SYN1: variants seen among roughly 807,000 people sequenced by gnomAD.
The protein encoded by SYN1 is synapsin-1.
SYN1 carries 8 observed loss-of-function variants against 44.6 expected under a neutral mutation model. That is an observed-to-expected ratio of 0.18 (90% CI 0.11 to 0.32). The LOEUF is 0.32. Among genes scored for constraint, SYN1 ranks in the 10% least tolerant of loss-of-function variants. The probability of loss-of-function intolerance (pLI) is 1.00; values close to 1 mark genes in which losing one functional copy is unlikely to be tolerated. For synonymous variants in SYN1, 275 were observed against 280.1 expected (o/e 0.98, Z 0.18); for missense variants, 451 against 639.4 (o/e 0.71, Z 3.18).
chrX:47,584,855 T>TATGATGATG, intron 5 of SYN1: 1 of 853,102 alleles, frequency 1.2e-6, no homozygotes, highest in Admixed American at 2.5e-5. Context: ...GCTTTGCTGG[T>TATGATGATG]ATGATGATGA....
intron 1 of SYN1, among the ~76,000 whole-genome samples, chrX:47,614,261 T>C (rs748464077): frequency 9.0e-6 from 1 of 111,323 alleles, no homozygotes; most frequent in East Asian, 2.8e-4. Flanking sequence ...CACTTGGGCA[T>C]CTGTTGGTAC....
At chrX:47,602,269 C>T (rs1199827863) in intron 5 of SYN1, among the ~76,000 whole-genome samples, 2 of 112,107 alleles carry the variant, frequency 1.8e-5, no homozygotes, top group East Asian at 5.6e-4. Context: ...TACAGAAATT[C>T]TGGCTACAGA....
intron 3 of SYN1, 68 bp downstream of exon 3, chrX:47,606,877 T>A (rs1157958331): frequency 3.8e-6 from 4 of 1,058,632 alleles, no homozygotes; most frequent in Non-Finnish European, 3.9e-6. Flanking sequence ...GGTAGGAACT[T>A]TCCCCCAGCT....
chrX:47,597,931 C>A (rs1407556184), intron 5 of SYN1, among the ~76,000 whole-genome samples: 1 of 112,241 alleles, frequency 8.9e-6, no homozygotes, highest in Non-Finnish European at 1.9e-5. Context: ...CTACATCCAG[C>A]AAAATTATCT....
At chrX:47,611,798 G>A (rs889916704) in intron 1 of SYN1, among the ~76,000 whole-genome samples, 1 of 111,428 alleles carries the variant, frequency 9.0e-6, no homozygotes, top group African/African-American at 3.3e-5. Context: ...TCAGGGGACC[G>A]ATGCATTAGT....
At chrX:47,605,409 G>C (rs767101797) in intron 3 of SYN1, 30 bp from the exon 4 acceptor site, 1 of 1,204,854 alleles carries the variant, frequency 8.3e-7, no homozygotes, top group Non-Finnish European at 1.1e-6. Flanking sequence ...AGTGTTGAGA[G>C]TTCCCCCAGA....
intron 4 of SYN1, 45 bp downstream of exon 4, chrX:47,605,178 G>C (rs2057892661): frequency 8.3e-7 from 1 of 1,203,850 alleles, no homozygotes; most frequent in Admixed American, 2.2e-5. Flanking sequence ...CCACATACAT[G>C]CATGAGCTGT....
chrX:47,572,082 C>T lies in SYN1; in HGVS notation c.*782G>A, dbSNP rs1223838762. 2.3e-5 allele frequency: 3 copies of T among 131,701 alleles called. No homozygotes were observed. The highest frequency in any genetic ancestry group is 9.6e-5 in the African/African-American group (3 of 31,219). 10.9% of individuals were successfully genotyped at this position (131,701 alleles called of 1,213,427 possible). A position where few individuals can be genotyped will look rare whatever the true frequency, so the allele number is the denominator to read the frequency against. Reference sequence around the variant, plus strand: ...GAACGAGGACCACATATGCCAAGCACGGCACAAAAGGAGGCCACGTCAGTC... The same window carrying T: ...GAACGAGGACCACATATGCCAAGCATGGCACAAAAGGAGGCCACGTCAGTC... On this transcript the variant is annotated 3_prime_UTR_variant, in exon 13 of 13. Coordinates refer to ENST00000295987, the MANE Select transcript of SYN1 (RefSeq NM_006950.3).
chrX:47,589,920 A>G (rs1160997897), intron 5 of SYN1: 1 of 111,959 alleles, frequency 8.9e-6, no homozygotes, highest in East Asian at 2.8e-4. Flanking sequence ...AATGTTTGAT[A>G]TTAGGCATGA....
At chrX:47,608,592 TG>T (rs1292163448) in intron 1 of SYN1, among the ~76,000 whole-genome samples, 1 of 109,187 alleles carries the variant, frequency 9.2e-6, no homozygotes, top group African/African-American at 3.3e-5. Flanking sequence ...CTGGCAATGA[TG>T]GGGGGCAGGG....
intron 7 of SYN1, 33 bp from the exon 8 acceptor site, chrX:47,576,439 C>T (rs1206726410): frequency 1.7e-6 from 2 of 1,212,103 alleles, no homozygotes; most frequent in South Asian, 1.8e-5. Flanking sequence ...CTCAGGGGTG[C>T]CTCAGCTGCA....
intron 1 of SYN1, 80 bp from the exon 2 acceptor site, chrX:47,607,278 C>T (rs1435008031): frequency 2.2e-6 from 2 of 901,948 alleles, no homozygotes; most frequent in Admixed American, 4.7e-5. Context: ...ACCCTTTTGC[C>T]CCTTCAATGC....
intron 1 of SYN1, among the ~76,000 whole-genome samples, chrX:47,618,347 T>G (rs2057937185): frequency 9.0e-6 from 1 of 111,608 alleles, no homozygotes; most frequent in Non-Finnish European, 1.9e-5. Flanking sequence ...GGAAAGAACT[T>G]TTAGAGAAGG....
chrX:47,582,618 G>T, intron 5 of SYN1: 1 of 358,944 alleles, frequency 2.8e-6, no homozygotes, highest in East Asian at 8.3e-5. Flanking sequence ...TAGTCTAGGG[G>T]GAAGAGGGTC....
intron 5 of SYN1, among the ~76,000 whole-genome samples, chrX:47,600,682 A>C (rs746069436): frequency 4.5e-5 from 5 of 112,105 alleles, no homozygotes; most frequent in African/African-American, 1.6e-4. Flanking sequence ...AATTATACAA[A>C]ATATGTTCTC....
At position 47,574,605 on chromosome X, in the gene SYN1, G is replaced by C; in HGVS notation, c.1394-15C>G. 9.1e-7 allele frequency: 1 copy of C among 1,104,466 alleles called. No homozygotes were observed. The allele number at this position is 1,104,466 out of a possible 1,213,427, so 91.0% of individuals were successfully genotyped here. ...TGGAGGGCCGCCTGGGGGACAGAGG[G>C]AGAGAAAGAGCACACGTGAGAGTGA... On this transcript the variant is annotated splice_polypyrimidine_tract_variant and intron_variant, in intron 11 of 12. Coordinates refer to ENST00000295987, the MANE Select transcript of SYN1 (RefSeq NM_006950.3).
At chrX:47,602,915 ATTAG>A (rs2057884294) in intron 5 of SYN1, among the ~76,000 whole-genome samples, 1 of 111,807 alleles carries the variant, frequency 8.9e-6, no homozygotes, top group Admixed American at 9.5e-5. Flanking sequence ...ATTTGATTGC[ATTAG>A]TAACAATTAT....
chrX:47,580,840 A>G (rs1341126528), intron 5 of SYN1, among the ~76,000 whole-genome samples: 1 of 109,949 alleles, frequency 9.1e-6, no homozygotes, highest in East Asian at 2.8e-4. Context: ...AGGCTGAGAC[A>G]GGAGAATCTC....
In SYN1 at chrX:47,574,719, C is replaced by T. The variant is rs778151348; in HGVS notation, c.1362G>A (p.Gly454=). The change falls in exon 11 of 13, where the codon GGG becomes GGA. Residue 454 remains glycine (G), a synonymous_variant. Transcript: ENST00000295987. ...LGRQTSQQPA[G]PPAQQRPPPQ... ...GTGGGGGTCGCTGCTGAGCCGGGGG[C>T]CCTGCGGGCTGCTGGGAGGTCTGGC... The T allele has an allele frequency of 3.4e-6, 4 of 1,185,567 alleles. No homozygotes were observed. The highest frequency in any genetic ancestry group is 4.5e-6 in the Non-Finnish European group (4 of 883,034).
Sources: gnomAD v4.1 joint callset for allele counts (sites outside exome capture counted in the v4.1 genomes callset) on GRCh38, gnomAD v4.1.1 for gene constraint, MANE v1.5 for transcripts, NCBI Gene and HGNC (gene_info 2026-07-23, HGNC 2026-07-21) for gene names.